The following ZHX2 variants were observed in gnomAD, a reference collection of about 807,000 sequenced individuals.
ZHX2 encodes the protein zinc fingers and homeoboxes 2.
A neutral mutation model predicts 21.9 loss-of-function variants in ZHX2; 6 were observed. The ratio of observed to expected loss-of-function variants is 0.27; its 90% confidence interval spans 0.15 to 0.54. The LOEUF is 0.54. Among genes scored for constraint, ZHX2 ranks in the 20% least tolerant of loss-of-function variants. The pLI is 0.95. For synonymous variants in ZHX2, 434 were observed against 437.1 expected (o/e 0.99, Z 0.09); for missense variants, 908 against 1,090.7 (o/e 0.83, Z 2.36).
chr8:122,957,808 T>TC (rs1392971347), intron 3 of ZHX2, among the ~76,000 whole-genome samples: 1 of 152,136 alleles, frequency 6.6e-6, no homozygotes, highest in Non-Finnish European at 1.5e-5. Flanking sequence ...GGCTGCCTTC[T>TC]GCACTAGGGG....
At chr8:122,790,125 G>T (rs1007932586) in intron 1 of ZHX2, among the ~76,000 whole-genome samples, 1 of 152,152 alleles carries the variant, frequency 6.6e-6, no homozygotes, top group African/African-American at 2.4e-5. Context: ...ATGTCCTCTG[G>T]AATCACTGAA....
At position 122,851,204 on chromosome 8, in the gene ZHX2, A is replaced by AT. The variant is rs532624587; in HGVS notation, c.-282-12272dup. ...CAGACAGAACGGCCAAGATTTATGG[A>AT]TAAAATGAAGTGTGAGAGAAAAAGA... On this transcript the variant is annotated intron_variant, in intron 1 of 3. Coordinates refer to ENST00000314393, the MANE Select transcript of ZHX2 (RefSeq NM_014943.5). Among the ~76,000 whole-genome samples, 254 of 152,320 alleles carry AT rather than the reference A, an allele frequency of 1.7e-3. 1 individual carries two copies. Among genetic ancestry groups the AT allele is most frequent in the Non-Finnish European group, 3.2e-3 (216 of 68,026 alleles).
At chr8:122,893,743 T>G (rs1448647594) in intron 2 of ZHX2, among the ~76,000 whole-genome samples, 1 of 152,242 alleles carries the variant, frequency 6.6e-6, no homozygotes, top group Non-Finnish European at 1.5e-5. Flanking sequence ...CACTGAATTG[T>G]CTATCTGTAT....
chr8:122,853,536 C>A (rs1241580193), intron 1 of ZHX2, among the ~76,000 whole-genome samples: 2 of 152,200 alleles, frequency 1.3e-5, no homozygotes, highest in Admixed American at 1.3e-4. Context: ...TGCACCCCTG[C>A]AGCCACTGCC....
At chr8:122,922,176 C>G (rs2130087982) in intron 2 of ZHX2, among the ~76,000 whole-genome samples, 1 of 151,350 alleles carries the variant, frequency 6.6e-6, no homozygotes, top group South Asian at 2.1e-4. Flanking sequence ...ACCTTCTTAT[C>G]CCTCCTCCTG....
At chr8:122,948,947 GA>G (rs1372933581) in intron 2 of ZHX2, among the ~76,000 whole-genome samples, 3 of 152,100 alleles carry the variant, frequency 2.0e-5, no homozygotes, top group Admixed American at 6.6e-5. Flanking sequence ...GGCTACAAGA[GA>G]AAAAAATTGG....
At chr8:122,843,066 C>A (rs1161193866) in intron 1 of ZHX2, among the ~76,000 whole-genome samples, 1 of 152,204 alleles carries the variant, frequency 6.6e-6, no homozygotes, top group Non-Finnish European at 1.5e-5. Context: ...TCAAAGGAAC[C>A]TTTACTCGTG....
intron 1 of ZHX2, among the ~76,000 whole-genome samples, chr8:122,797,745 A>G (rs1192335768): frequency 1.3e-5 from 2 of 152,108 alleles, no homozygotes; most frequent in Admixed American, 6.5e-5. Flanking sequence ...TTTGCAGCCT[A>G]TTTGCCTTTC....
At chr8:122,817,866 T>C (rs745994069) in intron 1 of ZHX2, among the ~76,000 whole-genome samples, 4 of 152,208 alleles carry the variant, frequency 2.6e-5, no homozygotes, top group Non-Finnish European at 5.9e-5. Flanking sequence ...CTGGTGTTGG[T>C]GGGCACCCCA....
chr8:122,842,631 C>T (rs1346591605), intron 1 of ZHX2, among the ~76,000 whole-genome samples: 1 of 152,046 alleles, frequency 6.6e-6, no homozygotes, highest in Non-Finnish European at 1.5e-5. Flanking sequence ...GGTGTGAACC[C>T]GGGAGGCGGA....
intron 1 of ZHX2, among the ~76,000 whole-genome samples, chr8:122,794,740 C>T (rs1000117955): frequency 7.2e-5 from 11 of 152,126 alleles, no homozygotes; most frequent in Non-Finnish European, 1.6e-4. Context: ...TCCACATACC[C>T]CACACTTCAG....
chr8:122,964,085 T>C (rs1024059563), intron 3 of ZHX2, among the ~76,000 whole-genome samples: 4 of 152,128 alleles, frequency 2.6e-5, no homozygotes, highest in Admixed American at 6.5e-5. Context: ...ATAATCAACA[T>C]AGTCAGCAAA....
intron 2 of ZHX2, among the ~76,000 whole-genome samples, chr8:122,943,405 C>T (rs1386958313): frequency 6.6e-6 from 1 of 152,246 alleles, no homozygotes; most frequent in Admixed American, 6.5e-5. Context: ...GCTGTGTGAC[C>T]TTGACCAAGC....
intron 1 of ZHX2, among the ~76,000 whole-genome samples, chr8:122,841,877 C>T (rs1818637590): frequency 6.6e-6 from 1 of 152,188 alleles, no homozygotes; most frequent in Non-Finnish European, 1.5e-5. Context: ...AGTGGCTTAG[C>T]TACCCAGTGA....
intron 1 of ZHX2, among the ~76,000 whole-genome samples, chr8:122,793,319 G>T (rs1387951617): frequency 6.6e-6 from 1 of 152,192 alleles, no homozygotes; most frequent in African/African-American, 2.4e-5. Flanking sequence ...GAAGGAAACT[G>T]GACATCCAGG....
chr8:122,809,910 GA>G (rs1249726069), intron 1 of ZHX2, among the ~76,000 whole-genome samples: 1 of 152,140 alleles, frequency 6.6e-6, no homozygotes, highest in East Asian at 1.9e-4. Context: ...TGAGTTTTCA[GA>G]AGGAGTTAGA....
In ZHX2 at chr8:122,844,956, TG is replaced by T. The variant is rs368519629; in HGVS notation, c.-282-18519del. ...ACTAGCTTGCATGTGTGGGGCTTGGTGGCCTTACAGTTGCCTAATACCCCCT... is the reference window on the plus strand; with the variant it reads ...ACTAGCTTGCATGTGTGGGGCTTGGTGCCTTACAGTTGCCTAATACCCCCT... On this transcript the variant is annotated intron_variant, in intron 1 of 3. Coordinates refer to ENST00000314393, the MANE Select transcript of ZHX2 (RefSeq NM_014943.5). 9.2e-5 allele frequency among the ~76,000 whole-genome samples: 14 copies of T among 152,356 alleles called. No homozygotes were observed. The East Asian group carries it at 2.3e-3, about 25-fold the overall frequency.
In ZHX2 at chr8:122,947,576, G is replaced by A. The variant is rs771243920; in HGVS notation, c.-219-3716G>A. On this transcript the variant is annotated intron_variant, in intron 2 of 3. Transcript: ENST00000314393. ...GCTCCTCTTTTAACCACAAAACATC[G>A]AAGTATGATGTCAGCTGTTGAAGAG... Among the ~76,000 whole-genome samples the A allele has an allele frequency of 2.6e-5, 4 of 152,172 alleles. No homozygotes were observed. In the East Asian group the frequency reaches 5.8e-4, roughly 22 times the overall value.
intron 1 of ZHX2, among the ~76,000 whole-genome samples, chr8:122,823,604 G>A (rs1247244145): frequency 1.3e-5 from 2 of 152,144 alleles, no homozygotes; most frequent in East Asian, 1.9e-4. Context: ...TTTCTACTCC[G>A]ACTGTCTCCA....
Sources: gnomAD v4.1 joint callset for allele counts (sites outside exome capture counted in the v4.1 genomes callset) on GRCh38, gnomAD v4.1.1 for gene constraint, MANE v1.5 for transcripts, NCBI Gene and HGNC (gene_info 2026-07-23, HGNC 2026-07-21) for gene names.